Variants in FABP5 observed in about 807,000 individuals in gnomAD.
FABP5 encodes fatty acid-binding protein 5.
In FABP5, 7 loss-of-function variants were observed where a neutral mutation model predicts 16.9. That is an observed-to-expected ratio of 0.41 (90% CI 0.24 to 0.78). The LOEUF is 0.78. Ranked by LOEUF, FABP5 falls within the 30% of genes least tolerant of loss-of-function variation. The pLI is 0.30. For missense variants in FABP5, 119 were observed against 159.5 expected (o/e 0.75, Z 1.37); for synonymous variants, 37 against 52.8 (o/e 0.70, Z 1.30).
chr8:81,280,625 A>G lies in FABP5; in HGVS notation c.30A>G (p.Arg10=). MATVQQLEG[R]WRLVDSKGFD... ...CCACAGTTCAGCAGCTGGAAGGAAG[A>G]TGGCGCCTGGTGGACAGCAAAGGCT... The change falls in exon 1 of 4, where the codon AGA becomes AGG. Residue 10 remains arginine, a synonymous_variant. Transcript: ENST00000297258. 1 of 1,559,494 alleles carries G rather than the reference A, an allele frequency of 6.4e-7. No homozygotes were observed. The highest frequency in any genetic ancestry group is 8.7e-7 in the Non-Finnish European group (1 of 1,150,850).
Position 81,280,662 on chromosome 8 carries a change from A to C in FABP5, c.67A>C (p.Met23Leu). Residue 23 changes from methionine to leucine, a missense_variant, in exon 1 of 4, where the codon ATG becomes CTG. Transcript: ENST00000297258. ...LVDSKGFDEY[M>L]KELGVGIALR... The stretch of plus-strand genomic sequence containing the variant: ...GGACAGCAAAGGCTTTGATGAATAC[A>C]TGAAGGAGCTAGGTGAGGCACCCGG... 2 of 1,558,572 alleles carry C rather than the reference A, an allele frequency of 1.3e-6. No individual in the cohort carries two copies. The highest frequency in any genetic ancestry group is 2.4e-5 in the East Asian group (1 of 42,036).
intron 1 of FABP5, chr8:81,280,876 C>G: frequency 5.4e-6 from 3 of 555,570 alleles, no homozygotes; most frequent in Middle Eastern, 4.0e-4. Flanking sequence ...AGGGAGCGTG[C>G]GCGCCTCTTG....
chr8:81,281,539 G>A lies in FABP5; in HGVS notation c.79+865G>A, dbSNP rs1807831302. 1.0e-6 allele frequency: 1 copy of A among 985,780 alleles called. No individual in the cohort carries two copies. The highest frequency in any genetic ancestry group is 1.2e-6 in the Non-Finnish European group (1 of 830,178). The allele number at this position is 985,780 out of a possible 1,614,324, so 61.1% of individuals were successfully genotyped here. A position where few individuals can be genotyped will look rare whatever the true frequency, so the allele number is the denominator to read the frequency against. On this transcript the variant is annotated intron_variant, in intron 1 of 3. Coordinates refer to ENST00000297258, the MANE Select transcript of FABP5 (RefSeq NM_001444.3). The surrounding 1 kb of genome is among the most constrained non-coding windows in gnomAD (Gnocchi z 4.5). ...GCCACTTGAGGGTGAGGAGGAAGGAGGCAGTGGGCTTTGCTGGAAAACCGT... is the reference window on the plus strand; with the variant it reads ...GCCACTTGAGGGTGAGGAGGAAGGAAGCAGTGGGCTTTGCTGGAAAACCGT...
rs1807865943 is a variant in FABP5, at chr8:81,283,435, A to G, written c.149A>G (p.Lys50Arg). 1 of 1,612,084 alleles carries G rather than the reference A, an allele frequency of 6.2e-7. No homozygotes were observed. The highest frequency in any genetic ancestry group is 1.7e-4 in the Middle Eastern group (1 of 6,056). Residue 50 changes from lysine (K) to arginine (R), a missense_variant, in exon 2 of 4, where the codon AAA (lysine) becomes AGA (arginine). Coordinates refer to ENST00000297258, the MANE Select transcript of FABP5 (RefSeq NM_001444.3). The stretch of plus-strand genomic sequence containing the variant: ...GATTGTATCATCACTTGTGATGGTA[A>G]AAACCTCACCATAAAAACTGAGAGC... Reference protein sequence around the residue: ...KPDCIITCDGKNLTIKTESTL... With the variant: ...KPDCIITCDGRNLTIKTESTL...
chr8:81,283,442 C>T lies in FABP5; in HGVS notation c.156C>T (p.Leu52=), dbSNP rs1164190630. ...TCATCACTTGTGATGGTAAAAACCT[C>T]ACCATAAAAACTGAGAGCACTTTGA... ...DCIITCDGKN[L]TIKTESTLKT... Residue 52 remains leucine, a synonymous_variant, in exon 2 of 4, where the codon CTC becomes CTT. Transcript: ENST00000297258. 2 of 1,612,180 alleles carry T rather than the reference C, an allele frequency of 1.2e-6. No individual in the cohort carries two copies. Among genetic ancestry groups the T allele is most frequent in the Middle Eastern group, 1.7e-4 (1 of 6,060 alleles).
chr8:81,280,553 C>G lies in FABP5; in HGVS notation c.-43C>G, dbSNP rs942418374. 1.9e-5 allele frequency: 30 copies of G among 1,541,112 alleles called. No individual in the cohort carries two copies. Among genetic ancestry groups the G allele is most frequent in the Non-Finnish European group, 2.4e-5 (27 of 1,141,722 alleles). ...GGTGCCTCACAGCACGCTGCCACGC[C>G]GACGCAGACCCCTCTCTGCACGCCA... On this transcript the variant is annotated 5_prime_UTR_variant, in exon 1 of 4. Coordinates refer to ENST00000297258, the MANE Select transcript of FABP5 (RefSeq NM_001444.3).
chr8:81,283,574 C>T (rs1807868499), intron 2 of FABP5, 36 bp downstream of exon 2: 1 of 1,574,536 alleles, frequency 6.4e-7, no homozygotes, highest in Admixed American at 1.9e-5. Flanking sequence ...ACAGAAGCTT[C>T]TAGAATGATA....
chr8:81,282,433 T>C (rs1438401388), intron 1 of FABP5, among the ~76,000 whole-genome samples: 2 of 152,132 alleles, frequency 1.3e-5, no homozygotes, highest in African/African-American at 4.8e-5. Flanking sequence ...AAGAGAAGGC[T>C]CCAAGGGGAA....
At chr8:81,283,594 A>AGT in intron 2 of FABP5, 56 bp downstream of exon 2, 1 of 1,503,670 alleles carries the variant, frequency 6.7e-7, no homozygotes, top group Non-Finnish European at 9.0e-7. Context: ...AGGCTGTATC[A>AGT]ATAACATTTT....
rs1262782627 is a variant in FABP5, at chr8:81,281,628, G to A, written c.79+954G>A. Reference sequence around the variant, plus strand: ...CAAGATGGGTGTGGCCCTGCAGAAGGCAGATGACTTCTTGAAGCGTTCCGA... The same window carrying A: ...CAAGATGGGTGTGGCCCTGCAGAAGACAGATGACTTCTTGAAGCGTTCCGA... On this transcript the variant is annotated intron_variant, in intron 1 of 3. Coordinates refer to ENST00000297258, the MANE Select transcript of FABP5 (RefSeq NM_001444.3). This position sits in a 1 kb window ranked among gnomAD's most constrained non-coding sequence, Gnocchi z 4.5. The A allele has an allele frequency of 5.1e-6, 5 of 985,344 alleles. No individual in the cohort carries two copies. Among genetic ancestry groups the A allele is most frequent in the Non-Finnish European group, 6.0e-6 (5 of 829,944 alleles). The allele number at this position is 985,344 out of a possible 1,614,324, so 61.0% of individuals were successfully genotyped here. A position where few individuals can be genotyped will look rare whatever the true frequency, so the allele number is the denominator to read the frequency against.
intron 1 of FABP5, 152 bp from the exon 2 acceptor site, chr8:81,283,214 C>T: frequency 1.6e-6 from 1 of 630,088 alleles, no homozygotes; most frequent in Non-Finnish European, 2.7e-6. Flanking sequence ...AAAGTGCTGG[C>T]TCATACCGTG....
rs1807883665 is a variant in FABP5 at position 81,284,598 on chromosome 8, A to AT, written c.*33dup. On this transcript the variant is annotated 3_prime_UTR_variant, in exon 4 of 4. Coordinates refer to ENST00000297258, the MANE Select transcript of FABP5 (RefSeq NM_001444.3). Reference sequence around the variant, plus strand: ...CCATCATCACTTTGGACAGGAGTTAATTAAGAGAATGACCAAGCTCAGTTC... The same window carrying AT: ...CCATCATCACTTTGGACAGGAGTTAATTTAAGAGAATGACCAAGCTCAGTTC... 7.6e-7 allele frequency: 1 copy of AT among 1,318,560 alleles called. No homozygotes were observed. The highest frequency in any genetic ancestry group is 1.4e-5 in the African/African-American group (1 of 69,290). The allele number at this position is 1,318,560 out of a possible 1,614,324, so 81.7% of individuals were successfully genotyped here. A position where few individuals can be genotyped will look rare whatever the true frequency, so the allele number is the denominator to read the frequency against.
rs751786135 is a variant in FABP5, at chr8:81,283,553, G to A, written c.252+15G>A. On this transcript the variant is annotated intron_variant, in intron 2 of 3. Transcript: ENST00000297258. ...GAAAAACTCAGGTCAGTCGTGACAT[G>A]TTATGAAATCACAGAAGCTTCTAGA... 1.3e-6 allele frequency: 2 copies of A among 1,599,150 alleles called. No individual in the cohort carries two copies. Among genetic ancestry groups the A allele is most frequent in the African/African-American group, 2.7e-5 (2 of 73,966 alleles).
At chr8:81,283,243 G>A (rs1260757294) in intron 1 of FABP5, 123 bp from the exon 2 acceptor site, 1 of 812,112 alleles carries the variant, frequency 1.2e-6, no homozygotes, top group South Asian at 2.0e-5. Flanking sequence ...GTTTACAATA[G>A]TTATCAATAA....
At chr8:81,283,216 C>T (rs1235252621) in intron 1 of FABP5, 150 bp from the exon 2 acceptor site, 3 of 638,302 alleles carry the variant, frequency 4.7e-6, no homozygotes, top group Non-Finnish European at 7.9e-6. Context: ...AGTGCTGGCT[C>T]ATACCGTGGG....
In FABP5 at chr8:81,281,523, G is replaced by A. The variant is rs1563479669; in HGVS notation, c.79+849G>A. 1 of 985,666 alleles carries A rather than the reference G, an allele frequency of 1.0e-6. No individual in the cohort carries two copies. Among genetic ancestry groups the A allele is most frequent in the Non-Finnish European group, 1.2e-6 (1 of 830,112 alleles). The allele number at this position is 985,666 out of a possible 1,614,324, so 61.1% of individuals were successfully genotyped here. On this transcript the variant is annotated intron_variant, in intron 1 of 3. Transcript: ENST00000297258. The surrounding 1 kb of genome is among the most constrained non-coding windows in gnomAD (Gnocchi z 4.5). Reference sequence around the variant, plus strand: ...TGCCATCCTGGCCTCTGCCACTTGAGGGTGAGGAGGAAGGAGGCAGTGGGC... The same window carrying A: ...TGCCATCCTGGCCTCTGCCACTTGAAGGTGAGGAGGAAGGAGGCAGTGGGC...
At position 81,281,712 on chromosome 8, in the gene FABP5, A is replaced by C; in HGVS notation, c.79+1038A>C. On this transcript the variant is annotated intron_variant, in intron 1 of 3. Coordinates refer to ENST00000297258, the MANE Select transcript of FABP5 (RefSeq NM_001444.3). This position sits in a 1 kb window ranked among gnomAD's most constrained non-coding sequence, Gnocchi z 4.5. Reference sequence around the variant, plus strand: ...TCACTCAAAACAGTGCTTCATTATAAATTACTGTCCTTTTCTATGCCAGTG... The same window carrying C: ...TCACTCAAAACAGTGCTTCATTATACATTACTGTCCTTTTCTATGCCAGTG... 1 of 973,984 alleles carries C rather than the reference A, an allele frequency of 1.0e-6. No homozygotes were observed. The highest frequency in any genetic ancestry group is 1.2e-6 in the Non-Finnish European group (1 of 819,508). 60.3% of individuals were successfully genotyped at this position (973,984 alleles called of 1,614,324 possible). A position where few individuals can be genotyped will look rare whatever the true frequency, so the allele number is the denominator to read the frequency against.
At chr8:81,283,179 A>G (rs950752907) in intron 1 of FABP5, 187 bp from the exon 2 acceptor site, 3 of 489,224 alleles carry the variant, frequency 6.1e-6, no homozygotes, top group African/African-American at 6.0e-5. Flanking sequence ...GGCTGTTGTA[A>G]GGCTTACCTG....
rs1807830831 is a variant in FABP5, at chr8:81,281,501, C to T, written c.79+827C>T. On this transcript the variant is annotated intron_variant, in intron 1 of 3. Transcript: ENST00000297258. The surrounding 1 kb of genome is among the most constrained non-coding windows in gnomAD (Gnocchi z 4.5). Reference sequence around the variant, plus strand: ...AGGCCTGGGGGTGGCCGTGTGTTGCCATCCTGGCCTCTGCCACTTGAGGGT... The same window carrying T: ...AGGCCTGGGGGTGGCCGTGTGTTGCTATCCTGGCCTCTGCCACTTGAGGGT... The T allele has an allele frequency of 1.0e-6, 1 of 985,494 alleles. No homozygotes were observed. The highest frequency in any genetic ancestry group is 1.2e-6 in the Non-Finnish European group (1 of 829,998). 61.0% of individuals were successfully genotyped at this position (985,494 alleles called of 1,614,324 possible). A position where few individuals can be genotyped will look rare whatever the true frequency, so the allele number is the denominator to read the frequency against.
Sources: allele counts gnomAD v4.1 joint callset (sites outside exome capture counted in the v4.1 genomes callset), GRCh38; gene constraint gnomAD v4.1.1; non-coding constraint Gnocchi (gnomAD v3.1); transcripts MANE v1.5; gene names NCBI Gene and HGNC (gene_info 2026-07-23, HGNC 2026-07-21).